Variants in UTS2 observed in about 807,000 individuals in gnomAD.
UTS2 encodes the protein urotensin 2.
Under a neutral mutation model 12.6 loss-of-function variants are expected in UTS2, and 10 were observed. The ratio of observed to expected loss-of-function variants is 0.80; its 90% CI spans 0.49 to 1.35. The LOEUF (loss-of-function observed/expected upper bound fraction) is 1.35. Among genes scored for constraint, UTS2 ranks in the 40% most tolerant of loss-of-function variants. UTS2 has a pLI of 0.00. For synonymous variants in UTS2, 52 were observed against 50.0 expected, an observed-to-expected ratio of 1.04 and a Z score of -0.17; for missense variants, 142 against 143.2, an observed-to-expected ratio of 0.99 and a Z score of 0.04.
the UTS2 span, among the ~76,000 whole-genome samples, chr1:7,886,904 G>T: frequency 6.6e-6 from 1 of 151,852 alleles, no homozygotes; most frequent in Admixed American, 6.6e-5. Flanking sequence ...ACAAAGATTA[G>T]CTGGGCATGG....
chr1:7,910,358 G>T, the UTS2 span, among the ~76,000 whole-genome samples: 3 of 151,558 alleles, frequency 2.0e-5, no homozygotes, highest in Non-Finnish European at 4.4e-5. Context: ...AGGTCACCAG[G>T]CTCCCATTCC....
upstream of UTS2, among the ~76,000 whole-genome samples, chr1:7,856,089 C>T (rs1258921678): frequency 1.3e-5 from 2 of 152,026 alleles, no homozygotes; most frequent in African/African-American, 2.4e-5. Flanking sequence ...CCTCGGCCCC[C>T]GGAAGTGCTG....
chr1:7,848,708 C>T (rs778759372), intron 3 of UTS2, among the ~76,000 whole-genome samples: 7 of 152,072 alleles, frequency 4.6e-5, no homozygotes, highest in East Asian at 3.9e-4. Flanking sequence ...TTTGTAGAGA[C>T]GGGGTTTCGC....
chr1:7,863,304 T>A, the UTS2 span, among the ~76,000 whole-genome samples: 1 of 151,386 alleles, frequency 6.6e-6, no homozygotes, highest in Non-Finnish European at 1.5e-5. Context: ...AGAGACAGGG[T>A]TTCTCCATGT....
chr1:7,913,115 C>T, the UTS2 span, among the ~76,000 whole-genome samples: 1 of 151,972 alleles, frequency 6.6e-6, no homozygotes, highest in Non-Finnish European at 1.5e-5. Context: ...AACTCCCACC[C>T]TCCAGGAGGT....
At chr1:7,891,553 A>C in the UTS2 span, among the ~76,000 whole-genome samples, 5 of 149,108 alleles carry the variant, frequency 3.4e-5, no homozygotes, top group Non-Finnish European at 5.9e-5. Flanking sequence ...AGAAAGAAAG[A>C]AAGAAAGAAA....
the UTS2 span, among the ~76,000 whole-genome samples, chr1:7,910,308 C>T: frequency 1.4e-5 from 2 of 147,716 alleles, no homozygotes; most frequent in African/African-American, 2.5e-5. Flanking sequence ...TTGTAAAAAC[C>T]GGCCATAAAG....
At chr1:7,904,903 C>CAAAAAAAAAAA in the UTS2 span, among the ~76,000 whole-genome samples, 1 of 58,278 alleles carries the variant, frequency 1.7e-5, no homozygotes, top group African/African-American at 6.1e-5. Flanking sequence ...GACTCTGTCT[C>CAAAAAAAAAAA]AAAAAAAAAA....
chr1:7,880,233 G>A, the UTS2 span, among the ~76,000 whole-genome samples: 4 of 152,130 alleles, frequency 2.6e-5, no homozygotes, highest in South Asian at 2.1e-4. Flanking sequence ...ACTCTAGCCC[G>A]GGTGACAGAG....
the UTS2 span, among the ~76,000 whole-genome samples, chr1:7,907,189 G>C: frequency 6.6e-6 from 1 of 152,266 alleles, no homozygotes; most frequent in East Asian, 1.9e-4. Flanking sequence ...CTGGGAGGTG[G>C]AGACTGCAAT....
At chr1:7,909,559 A>G in the UTS2 span, among the ~76,000 whole-genome samples, 3 of 151,976 alleles carry the variant, frequency 2.0e-5, no homozygotes, top group African/African-American at 7.2e-5. Flanking sequence ...AAAAAAAAAA[A>G]AAAGAAAAAA....
At chr1:7,852,154 T>C (rs1373536460) in intron 1 of UTS2, among the ~76,000 whole-genome samples, 1 of 152,060 alleles carries the variant, frequency 6.6e-6, no homozygotes. Flanking sequence ...GTTTGTTTGT[T>C]TTTTTTCTTT....
the UTS2 span, among the ~76,000 whole-genome samples, chr1:7,882,083 C>T: frequency 6.6e-6 from 1 of 152,138 alleles, no homozygotes; most frequent in African/African-American, 2.4e-5. Flanking sequence ...GTGTGTAACC[C>T]CAACACTTTG....
the UTS2 span, among the ~76,000 whole-genome samples, chr1:7,880,864 A>C: frequency 5.9e-5 from 9 of 152,210 alleles, no homozygotes; most frequent in African/African-American, 2.2e-4. Flanking sequence ...ACTACAAGCC[A>C]ATATTCCTGA....
the UTS2 span, among the ~76,000 whole-genome samples, chr1:7,907,270 G>T: frequency 6.6e-6 from 1 of 151,688 alleles, no homozygotes; most frequent in Non-Finnish European, 1.5e-5. Flanking sequence ...ACAAAAAATT[G>T]TGAGTGGTTG....
chr1:7,891,536 A>AAAAGAAAGAAAGAAAGAAAG, the UTS2 span, among the ~76,000 whole-genome samples: 703 of 109,884 alleles, frequency 6.4e-3, 6 homozygotes, highest in East Asian at 0.024. Context: ...AGAAAGAAAG[A>AAAAGAAAGAAAGAAAGAAAG]AAAGAAAGAA....
At chr1:7,848,055 C>T (rs187333333) in intron 3 of UTS2, among the ~76,000 whole-genome samples, 173 bp from the exon 4 acceptor site, 19 of 152,302 alleles carry the variant, frequency 1.2e-4, no homozygotes, top group Non-Finnish European at 2.4e-4. Flanking sequence ...CGTGGGGCTC[C>T]TGTGCCCACC....
the UTS2 span, among the ~76,000 whole-genome samples, chr1:7,879,040 T>C: frequency 1.3e-5 from 2 of 152,154 alleles, no homozygotes; most frequent in East Asian, 1.9e-4. Flanking sequence ...AAGGGAGAGA[T>C]AGACTCCAAT....
chr1:7,853,453 G>C, upstream of UTS2: 4 of 1,609,048 alleles, frequency 2.5e-6, no homozygotes, highest in Non-Finnish European at 3.4e-6. Context: ...TCATGAGTGA[G>C]TAGATGAGTT....
Sources: allele counts gnomAD v4.1 joint callset (sites outside exome capture counted in the v4.1 genomes callset), GRCh38; gene constraint gnomAD v4.1.1; transcripts MANE v1.5; gene names NCBI Gene and HGNC (gene_info 2026-07-23, HGNC 2026-07-21).